The following DLC1 variants were observed in gnomAD, a reference collection of about 807,000 sequenced individuals.
DLC1 encodes the protein DLC1 Rho GTPase activating protein, also known as rho GTPase-activating protein 7.
In DLC1, 54 loss-of-function variants were observed where a neutral mutation model predicts 140.3. That is an observed-to-expected ratio of 0.38 (90% CI 0.31 to 0.48). The LOEUF is 0.48. DLC1 is among the 20% of genes least tolerant of loss of function. The pLI, the probability that DLC1 is intolerant of heterozygous loss-of-function variation, is 0.96. For missense variants in DLC1, 2,536 were observed against 1,907.0 expected (o/e 1.33, Z -6.14); for synonymous variants, 986 against 728.1 (o/e 1.35, Z -5.70).
intron 5 of DLC1, among the ~76,000 whole-genome samples, chr8:13,180,368 T>A (rs1459733560): frequency 6.6e-6 from 1 of 152,214 alleles, no homozygotes; most frequent in Non-Finnish European, 1.5e-5. Flanking sequence ...ATGGCTTATT[T>A]ATCACATCCC....
intron 5 of DLC1, among the ~76,000 whole-genome samples, chr8:13,116,697 G>T (rs1470904629): frequency 6.6e-6 from 1 of 152,142 alleles, no homozygotes; most frequent in Non-Finnish European, 1.5e-5. Context: ...TATTTCCTGA[G>T]TTCCTTGGCC....
chr8:13,103,311 A>AAAAT (rs59262199), intron 7 of DLC1, among the ~76,000 whole-genome samples: 2,502 of 143,030 alleles, frequency 0.017, 24 homozygotes, highest in African/African-American at 0.019. Context: ...ACTCCTTCTC[A>AAAAT]AAATAAATAA....
At chr8:13,529,034 G>A (rs1803009581) in intron 1 of DLC1, among the ~76,000 whole-genome samples, 1 of 152,164 alleles carries the variant, frequency 6.6e-6, no homozygotes, top group Non-Finnish European at 1.5e-5. Flanking sequence ...GACGAGGGAA[G>A]TAACAACAGT....
intron 1 of DLC1, among the ~76,000 whole-genome samples, chr8:13,521,391 A>G (rs530929064): frequency 6.0e-5 from 9 of 150,676 alleles, no homozygotes; most frequent in African/African-American, 2.2e-4. Context: ...CTGCACATGT[A>G]TCCCAGAACT....
intron 5 of DLC1, chr8:13,116,265 G>A (rs1012828120): frequency 1.7e-5 from 17 of 978,852 alleles, no homozygotes; most frequent in Non-Finnish European, 6.1e-6. Context: ...ATCTTGGCAG[G>A]CAGAAATGGC....
chr8:13,556,751 A>C (rs1804059868), intron 1 of DLC1, among the ~76,000 whole-genome samples: 1 of 152,184 alleles, frequency 6.6e-6, no homozygotes, highest in Non-Finnish European at 1.5e-5. Context: ...ACACAGTGCG[A>C]AAGTGGGAAA....
chr8:13,333,639 C>T (rs906720133), intron 4 of DLC1, among the ~76,000 whole-genome samples: 4 of 152,084 alleles, frequency 2.6e-5, no homozygotes, highest in Non-Finnish European at 4.4e-5. Context: ...ACAGAACTAC[C>T]CTTCATGTGT....
At chr8:13,174,103 G>A (rs1049081585) in intron 5 of DLC1, among the ~76,000 whole-genome samples, 4 of 152,212 alleles carry the variant, frequency 2.6e-5, no homozygotes, top group South Asian at 4.2e-4. Flanking sequence ...TATGAGTGGG[G>A]ACTGTGGTAT....
chr8:13,091,518 G>A, intron 13 of DLC1, 86 bp from the exon 14 acceptor site: 8 of 1,251,536 alleles, frequency 6.4e-6, no homozygotes, highest in Middle Eastern at 2.3e-4. Context: ...CCAAAGAAGA[G>A]AGAAAAAAAA....
chr8:13,159,950 G>C (rs1824554904), intron 5 of DLC1, among the ~76,000 whole-genome samples: 1 of 151,884 alleles, frequency 6.6e-6, no homozygotes, highest in Admixed American at 6.6e-5. Context: ...ACGAGGTCAG[G>C]AGTTCGAGAC....
chr8:13,182,806 T>C (rs1826120032), intron 5 of DLC1, among the ~76,000 whole-genome samples: 2 of 152,326 alleles, frequency 1.3e-5, no homozygotes, highest in East Asian at 1.9e-4. Flanking sequence ...CAATGTGGGC[T>C]CTTTTTTGGT....
chr8:13,560,630 C>G (rs374484989), intron 1 of DLC1, among the ~76,000 whole-genome samples: 13 of 152,306 alleles, frequency 8.5e-5, no homozygotes, highest in Admixed American at 7.2e-4. Flanking sequence ...CCTCCTCCCC[C>G]ACCATTCTTA....
chr8:13,366,328 T>A (rs1283148349), intron 4 of DLC1, among the ~76,000 whole-genome samples: 3 of 152,182 alleles, frequency 2.0e-5, no homozygotes, highest in Non-Finnish European at 4.4e-5. Flanking sequence ...ACTACATGCC[T>A]GGCGCTGTCC....
intron 1 of DLC1, among the ~76,000 whole-genome samples, chr8:13,563,920 A>G (rs1221591066): frequency 2.6e-5 from 4 of 152,222 alleles, no homozygotes; most frequent in East Asian, 3.8e-4. Flanking sequence ...AAAATTGTTC[A>G]TAAAACCAAA....
chr8:13,142,987 G>T (rs530996118), intron 5 of DLC1, among the ~76,000 whole-genome samples: 3 of 150,086 alleles, frequency 2.0e-5, no homozygotes, highest in African/African-American at 4.9e-5. Flanking sequence ...AGGTTGCGGT[G>T]AGCCAAGATT....
At chr8:13,248,286 T>C (rs1212139229) in intron 5 of DLC1, among the ~76,000 whole-genome samples, 1 of 152,246 alleles carries the variant, frequency 6.6e-6, no homozygotes, top group Non-Finnish European at 1.5e-5. Flanking sequence ...CTGCACCTGT[T>C]GGTCCTATTG....
intron 5 of DLC1, among the ~76,000 whole-genome samples, chr8:13,270,000 T>C (rs1476953762): frequency 1.4e-5 from 2 of 146,806 alleles, no homozygotes; most frequent in Non-Finnish European, 3.0e-5. Flanking sequence ...GAGCTTGCAG[T>C]GAGCTAAGAT....
chr8:13,154,006 G>C lies in DLC1; in HGVS notation c.1349-38349C>G, dbSNP rs183390317. Among the ~76,000 whole-genome samples the C allele has an allele frequency of 3.0e-3, 459 of 152,122 alleles. 2 individuals carry two copies. Among genetic ancestry groups the C allele is most frequent in the Non-Finnish European group, 5.0e-3 (340 of 68,006 alleles). ...TGGTGTGTTTATAATCCTTTAGCTAGACACAAAGGTTCTCCAAGTCCCCAC... is the reference window on the plus strand; with the variant it reads ...TGGTGTGTTTATAATCCTTTAGCTACACACAAAGGTTCTCCAAGTCCCCAC... On this transcript the variant is annotated intron_variant, in intron 5 of 17. Transcript: ENST00000276297.
intron 1 of DLC1, among the ~76,000 whole-genome samples, chr8:13,562,803 ATACAT>A (rs1326957528): frequency 6.6e-6 from 1 of 152,194 alleles, no homozygotes; most frequent in Non-Finnish European, 1.5e-5. Context: ...TGTGAATAAA[ATACAT>A]TACATTTCTA....
Sources: allele counts gnomAD v4.1 joint callset (sites outside exome capture counted in the v4.1 genomes callset), GRCh38; gene constraint gnomAD v4.1.1; transcripts MANE v1.5; gene names NCBI Gene and HGNC (gene_info 2026-07-23, HGNC 2026-07-21).